RBFOX1: variants seen among roughly 807,000 people sequenced by gnomAD.
RBFOX1 encodes RNA binding protein fox-1 homolog 1.
Under a neutral mutation model 57.7 loss-of-function variants are expected in RBFOX1, and 8 were observed. That is an observed-to-expected ratio of 0.14 (90% confidence interval 0.08 to 0.25). The LOEUF is 0.25. Among genes scored for constraint, RBFOX1 ranks in the 10% least tolerant of loss-of-function variants. The probability of loss-of-function intolerance (pLI) is 1.00; values close to 1 mark genes in which losing one functional copy is unlikely to be tolerated. For missense variants in RBFOX1, 611 were observed against 548.5 expected (o/e 1.11, Z -1.14); for synonymous variants, 326 against 222.4 (o/e 1.47, Z -4.15).
chr16:6,188,546 T>C (rs1246190810), intron 1 of RBFOX1, among the ~76,000 whole-genome samples: 1 of 152,092 alleles, frequency 6.6e-6, no homozygotes, highest in East Asian at 1.9e-4. Flanking sequence ...AACCTTCAGC[T>C]ATGAGGAAAA....
chr16:5,618,102 A>G (rs2048092896), intron 3 of RBFOX1, among the ~76,000 whole-genome samples: 1 of 152,222 alleles, frequency 6.6e-6, no homozygotes, highest in East Asian at 1.9e-4. Flanking sequence ...CACTCAGATC[A>G]TGATGTAAAG....
At chr16:5,803,853 G>C (rs923173080) in intron 3 of RBFOX1, among the ~76,000 whole-genome samples, 51 of 152,152 alleles carry the variant, frequency 3.4e-4, no homozygotes, top group East Asian at 1.9e-4. Context: ...CTGGTCTTCT[G>C]CCTCCTGTCT....
chr16:6,928,593 T>A (rs151294388), intron 3 of RBFOX1, among the ~76,000 whole-genome samples: 1 of 152,242 alleles, frequency 6.6e-6, no homozygotes, highest in East Asian at 1.9e-4. Context: ...ATCAGCAATG[T>A]GTCTTACAGT....
intron 3 of RBFOX1, among the ~76,000 whole-genome samples, chr16:7,009,462 G>A (rs776314704): frequency 2.0e-5 from 3 of 151,924 alleles, no homozygotes; most frequent in Non-Finnish European, 1.5e-5. Context: ...ACGGCCATAG[G>A]AATATATTGA....
intron 3 of RBFOX1, among the ~76,000 whole-genome samples, chr16:6,667,367 C>G (rs1444733856): frequency 6.6e-6 from 1 of 152,114 alleles, no homozygotes; most frequent in Non-Finnish European, 1.5e-5. Flanking sequence ...TAAAGAATGC[C>G]AGGTGTAATC....
At chr16:5,869,752 C>T (rs974775770) in intron 4 of RBFOX1, among the ~76,000 whole-genome samples, 1 of 152,130 alleles carries the variant, frequency 6.6e-6, no homozygotes, top group African/African-American at 2.4e-5. Flanking sequence ...AAAAGGAGGT[C>T]TGAGGAGTTG....
chr16:7,641,669 C>G (rs1161673937), intron 11 of RBFOX1, among the ~76,000 whole-genome samples: 1 of 152,188 alleles, frequency 6.6e-6, no homozygotes, highest in Non-Finnish European at 1.5e-5. Flanking sequence ...CTTTCTCTGG[C>G]AAGTCCTAAT....
rs138797845 is a variant in RBFOX1 at position 6,958,498 on chromosome 16, A to G, written c.-15-93559A>G. ...GACACAAAAGGCGTTCTGTGATACA[A>G]TGGTCTGTTGACTTATTCAATAACA... is the stretch of plus-strand genomic sequence containing the variant. On this transcript the variant is annotated intron_variant, in intron 3 of 15. Coordinates refer to ENST00000550418, the MANE Select transcript of RBFOX1 (RefSeq NM_018723.4). 9.6e-4 allele frequency among the ~76,000 whole-genome samples: 146 copies of G among 152,290 alleles called. 1 individual carries two copies. Among genetic ancestry groups the G allele is most frequent in the South Asian group, 3.5e-3 (17 of 4,816 alleles).
intron 2 of RBFOX1, among the ~76,000 whole-genome samples, chr16:6,605,931 C>A (rs1243065100): frequency 6.6e-6 from 1 of 151,980 alleles, no homozygotes; most frequent in Non-Finnish European, 1.5e-5. Context: ...GAAACCTCGT[C>A]TCTACTAAAA....
chr16:6,783,898 A>G (rs988321579), intron 3 of RBFOX1, among the ~76,000 whole-genome samples: 7 of 152,118 alleles, frequency 4.6e-5, no homozygotes, highest in Non-Finnish European at 1.0e-4. Flanking sequence ...TTGAAGCATA[A>G]CTATGCTGAA....
chr16:5,867,149 C>T (rs1023261931), intron 3 of RBFOX1, among the ~76,000 whole-genome samples: 3 of 126,726 alleles, frequency 2.4e-5, no homozygotes, highest in Non-Finnish European at 4.9e-5. Flanking sequence ...GAAGAAAATG[C>T]ATGTGTGTGT....
At chr16:5,320,459 A>G (rs2064371721) in intron 1 of RBFOX1, among the ~76,000 whole-genome samples, 2 of 152,166 alleles carry the variant, frequency 1.3e-5, no homozygotes, top group East Asian at 1.9e-4. Context: ...AAGTCCAAGA[A>G]CAAGACCCTC....
chr16:5,728,374 C>T (rs551969982), intron 3 of RBFOX1, among the ~76,000 whole-genome samples: 6 of 152,302 alleles, frequency 3.9e-5, no homozygotes, highest in South Asian at 4.2e-4. Context: ...TTCCTAAGCA[C>T]GGACTCCTGT....
Position 6,996,988 on chromosome 16 carries a change from C to T in RBFOX1, c.-15-55069C>T, listed in dbSNP as rs995518067. Among the ~76,000 whole-genome samples the T allele has an allele frequency of 3.9e-5, 6 of 152,098 alleles. 1 individual carries two copies. Among genetic ancestry groups the T allele is most frequent in the Non-Finnish European group, 5.9e-5 (4 of 68,028 alleles). On this transcript the variant is annotated intron_variant, in intron 3 of 15. Transcript: ENST00000550418. ...TTATAGGCAGCATTGAAGATTTCCT[C>T]ATCAGCTTTATACATATGTATATGT...
chr16:5,604,382 C>A (rs74004408), downstream of RBFOX1, among the ~76,000 whole-genome samples: 2 of 152,026 alleles, frequency 1.3e-5, no homozygotes, highest in African/African-American at 4.8e-5. Context: ...GCTCAGGGTC[C>A]CTTTGCAATC....
At chr16:7,125,555 C>T (rs1453309150) in intron 4 of RBFOX1, among the ~76,000 whole-genome samples, 2 of 152,086 alleles carry the variant, frequency 1.3e-5, no homozygotes, top group Non-Finnish European at 2.9e-5. Context: ...TTATGATGTG[C>T]CAAGTCATGG....
Position 6,019,675 on chromosome 16 carries a change from A to G in RBFOX1, c.-444A>G, listed in dbSNP as rs2095029536. ...TGGGCCCCGCCCCGGCGTCCGGAGC[A>G]GGAGAACTCCGAGCTTCTTGCCCAG... On this transcript the variant is annotated 5_prime_UTR_variant, in exon 1 of 16. Transcript: ENST00000550418. This position sits in a 1 kb window ranked among gnomAD's most constrained non-coding sequence, Gnocchi z 4.2. 5 of 1,327,524 alleles carry G rather than the reference A, an allele frequency of 3.8e-6. No individual in the cohort carries two copies. The highest frequency in any genetic ancestry group is 3.8e-6 in the Non-Finnish European group (4 of 1,039,234). The allele number at this position is 1,327,524 out of a possible 1,614,324, so 82.2% of individuals were successfully genotyped here.
At chr16:5,618,411 C>T (rs1567305774) in intron 3 of RBFOX1, among the ~76,000 whole-genome samples, 1 of 152,042 alleles carries the variant, frequency 6.6e-6, no homozygotes, top group Non-Finnish European at 1.5e-5. Flanking sequence ...GATCTCGGCT[C>T]ACTGCAAGCT....
intron 12 of RBFOX1, among the ~76,000 whole-genome samples, chr16:7,661,597 G>C (rs1001875426): frequency 6.6e-6 from 1 of 152,198 alleles, no homozygotes; most frequent in Non-Finnish European, 1.5e-5. Flanking sequence ...TATCTCAGCT[G>C]TGATTCTACA....
Sources: gnomAD v4.1 joint callset for allele counts (sites outside exome capture counted in the v4.1 genomes callset) on GRCh38, gnomAD v4.1.1 for gene constraint, Gnocchi (gnomAD v3.1) non-coding constraint, MANE v1.5 for transcripts, NCBI Gene and HGNC (gene_info 2026-07-23, HGNC 2026-07-21) for gene names.